Variants in C12orf42 observed in about 807,000 individuals in gnomAD.
C12orf42 encodes the protein uncharacterized protein C12orf42.
Under a neutral mutation model 21.6 loss-of-function variants are expected in C12orf42, and 25 were observed. That is an observed-to-expected ratio of 1.16 (90% confidence interval 0.84 to 1.62). C12orf42 has a LOEUF of 1.62. Among genes scored for constraint, C12orf42 ranks in the 40% most tolerant of loss-of-function variants. The probability of loss-of-function intolerance (pLI) is 0.00; values close to 1 mark genes in which losing one functional copy is unlikely to be tolerated. For missense variants in C12orf42, 483 were observed against 459.3 expected, an observed-to-expected ratio of 1.05 and a Z score of -0.47; for synonymous variants, 174 against 175.0, an observed-to-expected ratio of 0.99 and a Z score of 0.05.
At chr12:103,061,200 A>G in the C12orf42 span, among the ~76,000 whole-genome samples, 1 of 150,878 alleles carries the variant, frequency 6.6e-6, no homozygotes, top group African/African-American at 2.4e-5. Flanking sequence ...CATTGCCTCC[A>G]TCTACACCAT....
intron 4 of C12orf42, among the ~76,000 whole-genome samples, chr12:103,355,448 C>T (rs550763669): frequency 6.6e-6 from 1 of 152,116 alleles, no homozygotes; most frequent in Admixed American, 6.6e-5. Flanking sequence ...TGGTCATTGA[C>T]CCGCCCATCT....
At chr12:103,507,303 C>CA in the C12orf42 span, among the ~76,000 whole-genome samples, 1 of 95,382 alleles carries the variant, frequency 1.0e-5, no homozygotes, top group African/African-American at 4.4e-5. Flanking sequence ...CTGCGTTATG[C>CA]ATTTCTCTAC....
chr12:103,528,634 T>C, the C12orf42 span, among the ~76,000 whole-genome samples: 1 of 152,254 alleles, frequency 6.6e-6, no homozygotes, highest in East Asian at 1.9e-4. Context: ...GCATGCCAGC[T>C]CCCCTTCGCC....
At chr12:103,082,128 T>C in the C12orf42 span, among the ~76,000 whole-genome samples, 1 of 152,178 alleles carries the variant, frequency 6.6e-6, no homozygotes, top group Non-Finnish European at 1.5e-5. Flanking sequence ...TAAGGAGAGA[T>C]AGAGTCCATT....
intron 1 of C12orf42, among the ~76,000 whole-genome samples, chr12:103,488,568 C>T (rs536676379): frequency 6.6e-6 from 1 of 152,270 alleles, no homozygotes; most frequent in African/African-American, 2.4e-5. Context: ...TTCCATTCTC[C>T]CCATTACTTT....
chr12:103,485,022 A>G (rs369821244), intron 1 of C12orf42, among the ~76,000 whole-genome samples: 1 of 151,646 alleles, frequency 6.6e-6, no homozygotes, highest in East Asian at 1.9e-4. Context: ...AGTGCCCGCC[A>G]CCATGCAAGG....
At chr12:103,221,129 T>C in the C12orf42 span, among the ~76,000 whole-genome samples, 3 of 152,198 alleles carry the variant, frequency 2.0e-5, no homozygotes, top group East Asian at 5.8e-4. Flanking sequence ...GCCATATACA[T>C]GTTTGAAATA....
At chr12:103,162,958 G>A in the C12orf42 span, 1 of 152,178 alleles carries the variant, frequency 6.6e-6, no homozygotes, top group Non-Finnish European at 1.5e-5. Context: ...GAGGTGAGAT[G>A]CCCTTTCACC....
At chr12:103,147,634 T>TTTTC in the C12orf42 span, among the ~76,000 whole-genome samples, 1 of 146,842 alleles carries the variant, frequency 6.8e-6, no homozygotes, top group Admixed American at 6.8e-5. Flanking sequence ...TTTTTTTTTT[T>TTTTC]TTTTTTTGTA....
chr12:103,109,567 G>C, the C12orf42 span, among the ~76,000 whole-genome samples: 13 of 149,870 alleles, frequency 8.7e-5, no homozygotes, highest in Non-Finnish European at 1.3e-4. Flanking sequence ...AAGAGAAAAT[G>C]CTTTTATTAT....
At chr12:103,384,725 C>A (rs10745962) in intron 3 of C12orf42, among the ~76,000 whole-genome samples, 97,348 of 151,994 alleles carry the variant, frequency 0.64, 31,707 homozygotes, top group Admixed American at 0.74. Context: ...TATCCCAGAG[C>A]TAGAACATGC....
the C12orf42 span, among the ~76,000 whole-genome samples, chr12:103,216,193 A>G: frequency 6.6e-6 from 1 of 152,086 alleles, no homozygotes; most frequent in African/African-American, 2.4e-5. Context: ...TTGGCAACAC[A>G]ATTATTGGAT....
At chr12:103,051,565 T>A in the C12orf42 span, among the ~76,000 whole-genome samples, 2 of 152,208 alleles carry the variant, frequency 1.3e-5, no homozygotes, top group Non-Finnish European at 1.5e-5. Context: ...TTTAGGGATA[T>A]CTTTGTTTAA....
the C12orf42 span, among the ~76,000 whole-genome samples, chr12:103,166,143 G>A: frequency 6.6e-6 from 1 of 152,148 alleles, no homozygotes; most frequent in Non-Finnish European, 1.5e-5. Context: ...CCTGAAGTCA[G>A]CCTCTCTAGG....
chr12:103,316,988 T>G (rs746784048), intron 4 of C12orf42, among the ~76,000 whole-genome samples: 2 of 152,092 alleles, frequency 1.3e-5, no homozygotes, highest in Non-Finnish European at 2.9e-5. Context: ...ATTGCTCAGT[T>G]TATCAAAGTC....
chr12:103,209,711 A>G, the C12orf42 span, among the ~76,000 whole-genome samples: 17 of 152,268 alleles, frequency 1.1e-4, no homozygotes, highest in South Asian at 2.1e-4. Context: ...GAGAGTCTCA[A>G]TCTTTCAGCT....
At chr12:103,259,481 A>G (rs1158945557) in intron 10 of C12orf42, among the ~76,000 whole-genome samples, 1 of 152,002 alleles carries the variant, frequency 6.6e-6, no homozygotes, top group Non-Finnish European at 1.5e-5. Flanking sequence ...GTTTCACCAA[A>G]TTTGCCAGGC....
chr12:103,485,312 T>C (rs1349142947), intron 1 of C12orf42, among the ~76,000 whole-genome samples: 1 of 152,242 alleles, frequency 6.6e-6, no homozygotes, highest in African/African-American at 2.4e-5. Context: ...GAGGCCGCTG[T>C]TCTGTTCCAT....
At chr12:103,440,799 A>C (rs1003615290) in intron 2 of C12orf42, among the ~76,000 whole-genome samples, 1 of 152,164 alleles carries the variant, frequency 6.6e-6, no homozygotes, top group Non-Finnish European at 1.5e-5. Flanking sequence ...GCTTAGGCCA[A>C]GTTCTACAGT....
Sources: allele counts gnomAD v4.1 joint callset (sites outside exome capture counted in the v4.1 genomes callset), GRCh38; gene constraint gnomAD v4.1.1; transcripts MANE v1.5; gene names NCBI Gene and HGNC (gene_info 2026-07-23, HGNC 2026-07-21).